The following GAS2 variants were observed in gnomAD, a reference collection of about 807,000 sequenced individuals.
GAS2 encodes growth arrest specific 2.
GAS2 carries 20 observed loss-of-function variants against 37.5 expected under a neutral mutation model. The observed-to-expected ratio is 0.53, with a 90% confidence interval of 0.37 to 0.77. The LOEUF (loss-of-function observed/expected upper bound fraction) is 0.77. GAS2 is among the 30% of genes least tolerant of loss of function. The probability of loss-of-function intolerance (pLI) is 0.00; values close to 1 mark genes in which losing one functional copy is unlikely to be tolerated. For missense variants in GAS2, 336 were observed against 373.4 expected (o/e 0.90, Z 0.82); for synonymous variants, 144 against 132.2 (o/e 1.09, Z -0.61).
Position 22,699,603 on chromosome 11 carries a change from G to A in GAS2, c.267+13814G>A, listed in dbSNP as rs77687332. On this transcript the variant is annotated intron_variant, in intron 3 of 7. Coordinates refer to ENST00000454584, the MANE Select transcript of GAS2 (RefSeq NM_001143830.3). The stretch of plus-strand genomic sequence containing the variant: ...ATAATTTCAGACATTTTTAGAGAGG[G>A]CAGCTGAACAGAAATGGTTAATAGT... Among the ~76,000 whole-genome samples, 1,446 of 152,198 alleles carry A rather than the reference G, an allele frequency of 9.5e-3. 31 individuals are homozygous for A. The highest frequency in any genetic ancestry group is 0.052 in the East Asian group (269 of 5,180).
At chr11:22,664,973 CAG>C (rs1848960650), upstream of GAS2, among the ~76,000 whole-genome samples, 1 of 146,616 alleles carries the variant, frequency 6.8e-6, no homozygotes, top group African/African-American at 2.5e-5. Flanking sequence ...TTCTGAGAGA[CAG>C]AGGATCTGAC....
chr11:22,740,537 G>T (rs1853018639), intron 5 of GAS2, among the ~76,000 whole-genome samples: 1 of 152,080 alleles, frequency 6.6e-6, no homozygotes, highest in Non-Finnish European at 1.5e-5. Context: ...GTAAATAGTT[G>T]AATACCAGTA....
At chr11:22,735,322 T>C (rs1348544780) in intron 4 of GAS2, among the ~76,000 whole-genome samples, 1 of 151,424 alleles carries the variant, frequency 6.6e-6, no homozygotes, top group Non-Finnish European at 1.5e-5. Flanking sequence ...AGATGTGCTT[T>C]AAAAGCAATT....
intron 3 of GAS2, among the ~76,000 whole-genome samples, chr11:22,714,760 A>G (rs865993358): frequency 8.5e-5 from 13 of 152,332 alleles, no homozygotes; most frequent in African/African-American, 2.4e-4. Flanking sequence ...CTGCTTCTGA[A>G]TGATACTTGG....
intron 3 of GAS2, among the ~76,000 whole-genome samples, chr11:22,721,172 A>G (rs376142397): frequency 2.0e-4 from 31 of 152,152 alleles, no homozygotes; most frequent in African/African-American, 7.2e-4. Flanking sequence ...GTGTACCTAG[A>G]GCACTGAAGG....
chr11:22,793,204 G>A (rs1856255535), intron 7 of GAS2, among the ~76,000 whole-genome samples: 1 of 152,064 alleles, frequency 6.6e-6, no homozygotes, highest in African/African-American at 2.4e-5. Flanking sequence ...AACCCAGGAG[G>A]CAGAGATTGC....
intron 1 of GAS2, among the ~76,000 whole-genome samples, chr11:22,645,436 G>T (rs1205766765): frequency 6.6e-6 from 1 of 152,096 alleles, no homozygotes; most frequent in Non-Finnish European, 1.5e-5. Context: ...GAACCCGGGA[G>T]GCAGAGGCTG....
chr11:22,734,966 G>T (rs1852672898), intron 4 of GAS2, among the ~76,000 whole-genome samples: 1 of 151,774 alleles, frequency 6.6e-6, no homozygotes, highest in Non-Finnish European at 1.5e-5. Flanking sequence ...TAAGGTAAGA[G>T]TGCTTGCTTT....
intron 1 of GAS2, among the ~76,000 whole-genome samples, chr11:22,656,971 T>C (rs1848863009): frequency 6.6e-6 from 1 of 152,176 alleles, no homozygotes; most frequent in African/African-American, 2.4e-5. Context: ...GTGAGTATGA[T>C]CACTATATTT....
chr11:22,737,600 A>T, intron 4 of GAS2, 105 bp from the exon 5 acceptor site: 1 of 1,002,212 alleles, frequency 1.0e-6, no homozygotes, highest in East Asian at 2.4e-5. Flanking sequence ...TGAAGACTAG[A>T]TCCTTTCCTG....
rs954790717 is a variant in GAS2, at chr11:22,736,019, G to A, written c.410-1686G>A. ...ATGGATATGTTAAAAAAAAAAAAAA[G>A]TCTGAATCAGAAAAAAATTGATGAT... On this transcript the variant is annotated intron_variant, in intron 4 of 7. Coordinates refer to ENST00000454584, the MANE Select transcript of GAS2 (RefSeq NM_001143830.3). 6.4e-3 allele frequency among the ~76,000 whole-genome samples: 842 copies of A among 130,846 alleles called. 13 individuals are homozygous for A. The highest frequency in any genetic ancestry group is 0.021 in the African/African-American group (760 of 35,936). 85.8% of individuals were successfully genotyped at this position (130,846 alleles called of 152,430 possible).
In GAS2 at chr11:22,755,942, C is replaced by T; in HGVS notation, c.712C>T (p.Leu238Phe). Residue 238 changes from leucine (L) to phenylalanine (F), a missense_variant, in exon 7 of 8, where the codon CTC (leucine) becomes TTC (phenylalanine). Physicochemically the swap from Leu to Phe is conservative, Grantham distance 22 (BLOSUM62 0). Coordinates refer to ENST00000454584, the MANE Select transcript of GAS2 (RefSeq NM_001143830.3). Reference sequence around the variant, plus strand: ...AAGATACCGAGTGGGAGAAAAGATCCTCTTCATTAGGGTAAAGTTTTACTT... The same window carrying T: ...AAGATACCGAGTGGGAGAAAAGATCTTCTTCATTAGGGTAAAGTTTTACTT... Reference protein sequence around the residue: ...QGRYRVGEKILFIRMLHNKHV... With the variant: ...QGRYRVGEKIFFIRMLHNKHV... The T allele has an allele frequency of 6.2e-7, 1 of 1,607,686 alleles. No individual in the cohort carries two copies. The highest frequency in any genetic ancestry group is 8.5e-7 in the Non-Finnish European group (1 of 1,174,834).
At chr11:22,723,413 A>G (rs1177591523) in intron 3 of GAS2, among the ~76,000 whole-genome samples, 1 of 151,954 alleles carries the variant, frequency 6.6e-6, no homozygotes, top group South Asian at 2.1e-4. Context: ...TGCTATTTTC[A>G]TTTATACGCT....
intron 6 of GAS2, among the ~76,000 whole-genome samples, chr11:22,750,064 G>T (rs534570525): frequency 6.6e-6 from 1 of 152,158 alleles, no homozygotes; most frequent in African/African-American, 2.4e-5. Flanking sequence ...CTGGGATGTT[G>T]TTTATGCAAA....
intron 7 of GAS2, among the ~76,000 whole-genome samples, chr11:22,770,298 G>C (rs2134422301): frequency 6.6e-6 from 1 of 152,192 alleles, no homozygotes; most frequent in African/African-American, 2.4e-5. Flanking sequence ...CAGCTACCCT[G>C]GAACTTACAT....
At chr11:22,645,126 A>G (rs894092686) in intron 1 of GAS2, among the ~76,000 whole-genome samples, 2 of 152,228 alleles carry the variant, frequency 1.3e-5, no homozygotes, top group African/African-American at 4.8e-5. Context: ...ATATCATAAA[A>G]TGCCAAGAGT....
At chr11:22,734,156 C>T (rs559968444) in intron 4 of GAS2, among the ~76,000 whole-genome samples, 4 of 151,730 alleles carry the variant, frequency 2.6e-5, no homozygotes, top group Middle Eastern at 3.4e-3. Context: ...ATAGACAATA[C>T]ATGATTACAT....
intron 1 of GAS2, among the ~76,000 whole-genome samples, chr11:22,669,269 TAG>T: frequency 3.2e-5 from 1 of 30,788 alleles, no homozygotes; most frequent in South Asian, 1.4e-3. Flanking sequence ...CAATAGTCAT[TAG>T]ACTGTCATTA....
intron 5 of GAS2, among the ~76,000 whole-genome samples, chr11:22,739,796 T>C (rs1852974070): frequency 6.6e-6 from 1 of 152,046 alleles, no homozygotes; most frequent in East Asian, 1.9e-4. Flanking sequence ...ATAATCTTGT[T>C]ACTTAAATAT....
Sources: gnomAD v4.1 joint callset for allele counts (sites outside exome capture counted in the v4.1 genomes callset) on GRCh38, gnomAD v4.1.1 for gene constraint, MANE v1.5 for transcripts, NCBI Gene and HGNC (gene_info 2026-07-23, HGNC 2026-07-21) for gene names.